The following EML1 variants were observed in gnomAD, a reference collection of about 807,000 sequenced individuals.
EML1 encodes the protein echinoderm microtubule-associated protein-like 1.
In EML1, 27 loss-of-function variants were observed where a neutral mutation model predicts 110.4. That is an observed-to-expected ratio of 0.24 (90% CI 0.18 to 0.34). EML1 has a LOEUF of 0.34. Ranked by LOEUF, EML1 falls within the 10% of genes least tolerant of loss-of-function variation. EML1 has a pLI of 1.00. For synonymous variants in EML1, 344 were observed against 385.8 expected, an observed-to-expected ratio of 0.89 and a Z score of 1.27; for missense variants, 741 against 1,030.9, an observed-to-expected ratio of 0.72 and a Z score of 3.85.
Position 99,779,265 on chromosome 14 carries a change from A to G in EML1, c.-27+5252A>G, listed in dbSNP as rs2057514326. 2.6e-5 allele frequency among the ~76,000 whole-genome samples: 4 copies of G among 152,072 alleles called. No individual in the cohort carries two copies. The South Asian group carries it at 8.3e-4, about 31-fold the overall frequency. On this transcript the variant is annotated intron_variant, in intron 1 of 22. Transcript: ENST00000327921. ...TTTTCTGGGAGATTTCTTCAACTCTATCAGTAGACATTGCTGTGGGGATTG... is the reference window on the plus strand; with the variant it reads ...TTTTCTGGGAGATTTCTTCAACTCTGTCAGTAGACATTGCTGTGGGGATTG...
chr14:99,741,272 G>A (rs529770507), intron 1 of EML1, among the ~76,000 whole-genome samples: 1 of 152,306 alleles, frequency 6.6e-6, no homozygotes, highest in South Asian at 2.1e-4. Context: ...CCTTCCGCCA[G>A]TCCCACTGCC....
At chr14:99,890,888 C>G (rs974016251) in intron 4 of EML1, among the ~76,000 whole-genome samples, 1 of 151,764 alleles carries the variant, frequency 6.6e-6, no homozygotes, top group African/African-American at 2.4e-5. Flanking sequence ...CGTTTTTACA[C>G]ATTTAGACAG....
chr14:99,786,275 C>T (rs2057599136), intron 1 of EML1, among the ~76,000 whole-genome samples: 1 of 152,098 alleles, frequency 6.6e-6, no homozygotes, highest in Admixed American at 6.6e-5. Flanking sequence ...AACAATGTCA[C>T]ATGATGGGCA....
At chr14:99,824,051 G>C (rs2058310305) in intron 1 of EML1, among the ~76,000 whole-genome samples, 2 of 152,168 alleles carry the variant, frequency 1.3e-5, no homozygotes, top group South Asian at 4.1e-4. Context: ...CTGCCTCCCG[G>C]ATTGAAGGGA....
intron 1 of EML1, among the ~76,000 whole-genome samples, chr14:99,837,977 C>A (rs575390082): frequency 3.9e-5 from 6 of 152,024 alleles, no homozygotes; most frequent in African/African-American, 1.2e-4. Context: ...TTTTTTAAAT[C>A]TTTTGTAGAG....
chr14:99,891,950 C>T (rs2059594417), intron 5 of EML1, among the ~76,000 whole-genome samples: 1 of 152,192 alleles, frequency 6.6e-6, no homozygotes, highest in Non-Finnish European at 1.5e-5. Flanking sequence ...TGAAATTACT[C>T]ACTGAAAATG....
intron 17 of EML1, 83 bp from the exon 18 acceptor site, chr14:99,935,946 G>A: frequency 7.7e-7 from 1 of 1,297,654 alleles, no homozygotes; most frequent in Non-Finnish European, 1.1e-6. Flanking sequence ...GTCTAAATCT[G>A]TGGTGGCAGC....
chr14:99,912,649 C>A (rs1439055638), intron 13 of EML1, among the ~76,000 whole-genome samples: 42 of 152,234 alleles, frequency 2.8e-4, no homozygotes, highest in Non-Finnish European at 2.9e-5. Flanking sequence ...TTCATCTGAG[C>A]TTTGGAAATC....
At position 99,902,377 on chromosome 14, in the gene EML1, G is replaced by A. The variant is rs192399725; in HGVS notation, c.1008+1338G>A. On this transcript the variant is annotated intron_variant, in intron 9 of 21. Coordinates refer to ENST00000262233, the MANE Select transcript of EML1 (RefSeq NM_004434.3). Reference sequence around the variant, plus strand: ...TACCCATTGCTTTTATTTCTTCTGAGCCGCAGTCAGAGATCACTGGTTGGT... The same window carrying A: ...TACCCATTGCTTTTATTTCTTCTGAACCGCAGTCAGAGATCACTGGTTGGT... Among the ~76,000 whole-genome samples, 34 of 152,294 alleles carry A rather than the reference G, an allele frequency of 2.2e-4. No homozygotes were observed. In the East Asian group the frequency reaches 6.0e-3, roughly 27 times the overall value.
chr14:99,868,429 A>G (rs777106360), intron 3 of EML1, among the ~76,000 whole-genome samples: 15 of 152,198 alleles, frequency 9.9e-5, no homozygotes, highest in Non-Finnish European at 1.9e-4. Context: ...TCTCCGCTGC[A>G]GCCATTGGGT....
At chr14:99,903,564 A>G (rs1041723689) in intron 9 of EML1, among the ~76,000 whole-genome samples, 1 of 152,180 alleles carries the variant, frequency 6.6e-6, no homozygotes, top group East Asian at 1.9e-4. Context: ...TACAACTATT[A>G]ATAACATACA....
intron 1 of EML1, among the ~76,000 whole-genome samples, chr14:99,738,758 C>T (rs1447883283): frequency 2.0e-5 from 3 of 152,176 alleles, no homozygotes; most frequent in African/African-American, 4.8e-5. Context: ...ACTGAGTGCT[C>T]AGGGCCCTGC....
chr14:99,743,375 AC>A (rs1452408529), intron 1 of EML1, among the ~76,000 whole-genome samples: 1 of 152,044 alleles, frequency 6.6e-6, no homozygotes, highest in Admixed American at 6.5e-5. Flanking sequence ...ATGCCCTGCT[AC>A]CCTTCTTGGA....
chr14:99,843,832 G>A (rs960134392), intron 1 of EML1, among the ~76,000 whole-genome samples: 1 of 152,198 alleles, frequency 6.6e-6, no homozygotes, highest in Non-Finnish European at 1.5e-5. Flanking sequence ...CTACACAATG[G>A]TTGTTACACC....
intron 1 of EML1, among the ~76,000 whole-genome samples, chr14:99,785,029 C>T (rs1016598826): frequency 6.6e-6 from 1 of 152,066 alleles, no homozygotes; most frequent in African/African-American, 2.4e-5. Context: ...TAGGACTTCG[C>T]TATGTAGGCT....
At chr14:99,850,057 G>A (rs1370549734) in intron 1 of EML1, 2 of 339,388 alleles carry the variant, frequency 5.9e-6, no homozygotes, top group African/African-American at 4.4e-5. Context: ...AGCCTCCTGA[G>A]TAGCTGGTAC....
chr14:99,747,367 C>T (rs1409293332), intron 1 of EML1, among the ~76,000 whole-genome samples: 1 of 151,900 alleles, frequency 6.6e-6, no homozygotes. Context: ...CGGGGTGGCA[C>T]AGATCGGCTC....
At chr14:99,876,182 CAAG>C (rs2308183) in intron 3 of EML1, among the ~76,000 whole-genome samples, 79,833 of 151,636 alleles carry the variant, frequency 0.53, 22,072 homozygotes, top group East Asian at 0.87. Context: ...CACTGGCTAC[CAAG>C]AAGGAGAGTG....
At chr14:99,930,827 T>G (rs1172989208) in intron 17 of EML1, among the ~76,000 whole-genome samples, 2 of 152,202 alleles carry the variant, frequency 1.3e-5, no homozygotes, top group Admixed American at 1.3e-4. Context: ...CCTGTTCTAG[T>G]TTCAGCTCAT....
Sources: gnomAD v4.1 joint callset for allele counts (sites outside exome capture counted in the v4.1 genomes callset) on GRCh38, gnomAD v4.1.1 for gene constraint, MANE v1.5 for transcripts, NCBI Gene and HGNC (gene_info 2026-07-23, HGNC 2026-07-21) for gene names.